The following PCDHGA8 variants were observed in gnomAD, a reference collection of about 807,000 sequenced individuals.
PCDHGA8 encodes protocadherin gamma subfamily A, 8, also known as protocadherin gamma-A8.
Under a neutral mutation model 59.2 loss-of-function variants are expected in PCDHGA8, and 45 were observed. That is an observed-to-expected ratio of 0.76 (90% CI 0.60 to 0.98). The LOEUF is 0.98. PCDHGA8 is among the 50% of genes least tolerant of loss of function. PCDHGA8 has a pLI of 0.00. For synonymous variants in PCDHGA8, 531 were observed against 519.0 expected (o/e 1.02, Z -0.32); for missense variants, 1,257 against 1,196.2 (o/e 1.05, Z -0.75).
chr5:141,393,176 A>G lies in PCDHGA8; in HGVS notation c.363A>G (p.Ile121Met). ...AAGGAAAACTCTTTGGGGTAGAAAT[A>G]GAAATAATTGATATTAACGATAATA... ...EDKGKLFGVE[I>M]EIIDINDNNP... is the part of the protein sequence containing the mutation. Residue 121 changes from isoleucine (I) to methionine (M), a missense_variant, in exon 1 of 4, where the codon ATA becomes ATG. Coordinates refer to ENST00000398604, the MANE Select transcript of PCDHGA8 (RefSeq NM_032088.2). 1.9e-6 allele frequency: 3 copies of G among 1,613,294 alleles called. No homozygotes were observed. Among genetic ancestry groups the G allele is most frequent in the East Asian group, 2.2e-5 (1 of 44,884 alleles).
chr5:141,433,017 A>G, intron 1 of PCDHGA8: 2 of 1,614,124 alleles, frequency 1.2e-6, no homozygotes, highest in Non-Finnish European at 8.5e-7. Context: ...CTGCAGACCT[A>G]TTCCCACGAG....
At position 141,486,426 on chromosome 5, in the gene PCDHGA8, A is replaced by T; in HGVS notation, c.2425-8381A>T. 6.2e-7 allele frequency: 1 copy of T among 1,614,190 alleles called. No homozygotes were observed. The highest frequency in any genetic ancestry group is 8.5e-7 in the Non-Finnish European group (1 of 1,180,026). ...GCTGGACCCTTGGATCGAGAGGCCA[A>T]ATCTAGCTATGACATCATGGTCACT... On this transcript the variant is annotated intron_variant, in intron 1 of 3. Coordinates refer to ENST00000398604, the MANE Select transcript of PCDHGA8 (RefSeq NM_032088.2). This position sits in a 1 kb window ranked among gnomAD's most constrained non-coding sequence, Gnocchi z 5.0.
At chr5:141,460,335 T>C (rs1201595717) in intron 1 of PCDHGA8, among the ~76,000 whole-genome samples, 3 of 152,194 alleles carry the variant, frequency 2.0e-5, no homozygotes, top group Non-Finnish European at 4.4e-5. Flanking sequence ...CTTATGATGA[T>C]TTTCTCCTAT....
Position 141,405,325 on chromosome 5 carries a change from G to C in PCDHGA8, c.2424+10088G>C, listed in dbSNP as rs17097274. ...AGAGCTGTGAGAAAAATGAGCCTTT[G>C]TGCGTCTCTGTTGATTCCAAGTTTC... On this transcript the variant is annotated intron_variant, in intron 1 of 3. Transcript: ENST00000398604. The C allele has an allele frequency of 9.4e-4, 1,513 of 1,614,170 alleles. 9 individuals are homozygous for C. The African/African-American group carries it at 0.016, about 17-fold the overall frequency.
rs1009141449 is a variant in PCDHGA8, at chr5:141,491,922, G to A, written c.2425-2885G>A. 2 of 1,349,026 alleles carry A rather than the reference G, an allele frequency of 1.5e-6. No individual in the cohort carries two copies. Among genetic ancestry groups the A allele is most frequent in the African/African-American group, 1.5e-5 (1 of 67,598 alleles). The allele number at this position is 1,349,026 out of a possible 1,614,324, so 83.6% of individuals were successfully genotyped here. On this transcript the variant is annotated intron_variant, in intron 1 of 3. Coordinates refer to ENST00000398604, the MANE Select transcript of PCDHGA8 (RefSeq NM_032088.2). The surrounding 1 kb of genome is among the most constrained non-coding windows in gnomAD (Gnocchi z 6.9). ...CGGGGGTGGTGGCGACTGTGGGCGAGGGGAGGTGGGACCGACCCCCACCCC... is the reference window on the plus strand; with the variant it reads ...CGGGGGTGGTGGCGACTGTGGGCGAAGGGAGGTGGGACCGACCCCCACCCC...
rs1594492695 is a variant in PCDHGA8 at position 141,485,536 on chromosome 5, A to G, written c.2425-9271A>G. On this transcript the variant is annotated intron_variant, in intron 1 of 3. Transcript: ENST00000398604. The surrounding 1 kb of genome is among the most constrained non-coding windows in gnomAD (Gnocchi z 5.7). ...CTTTGGAAATGTACCGAGCAGAGGTAGAGATCGTAGATGTGAATGATCACG... is the reference window on the plus strand; with the variant it reads ...CTTTGGAAATGTACCGAGCAGAGGTGGAGATCGTAGATGTGAATGATCACG... 3 of 1,613,976 alleles carry G rather than the reference A, an allele frequency of 1.9e-6. No homozygotes were observed. The highest frequency in any genetic ancestry group is 2.5e-6 in the Non-Finnish European group (3 of 1,179,946).
intron 1 of PCDHGA8, chr5:141,418,306 GA>G: frequency 6.2e-7 from 1 of 1,614,032 alleles, no homozygotes; most frequent in East Asian, 2.2e-5. Flanking sequence ...TCAGCCTGGG[GA>G]TGGGAACAAT....
At position 141,487,144 on chromosome 5, in the gene PCDHGA8, C is replaced by T. The variant is rs2099640304; in HGVS notation, c.2425-7663C>T. The T allele has an allele frequency of 6.2e-7, 1 of 1,614,032 alleles. No homozygotes were observed. Among genetic ancestry groups the T allele is most frequent in the African/African-American group, 1.3e-5 (1 of 75,056 alleles). On this transcript the variant is annotated intron_variant, in intron 1 of 3. Coordinates refer to ENST00000398604, the MANE Select transcript of PCDHGA8 (RefSeq NM_032088.2). This position sits in a 1 kb window ranked among gnomAD's most constrained non-coding sequence, Gnocchi z 5.0. ...ATAGTGGTAGTCCACCACTCTCTAC[C>T]TCTGTTACTCTCTTAGTGTCCTTAG...
chr5:141,419,505 G>A lies in PCDHGA8; in HGVS notation c.2424+24268G>A, dbSNP rs115850576. The A allele has an allele frequency of 8.4e-4, 1,351 of 1,612,324 alleles. 13 individuals are homozygous for A. In the African/African-American group the frequency reaches 0.015, roughly 18 times the overall value. The stretch of plus-strand genomic sequence containing the variant: ...GCGCTCAGCGCCAATGTGAGCCTGC[G>A]CGTGTTGGTGGGCGACCGTAACGAC... On this transcript the variant is annotated intron_variant, in intron 1 of 3. Transcript: ENST00000398604.
Position 141,431,706 on chromosome 5 carries a change from AG to A in PCDHGA8, c.2424+36470del. The A allele has an allele frequency of 6.2e-7, 1 of 1,614,248 alleles. No homozygotes were observed. The highest frequency in any genetic ancestry group is 8.5e-7 in the Non-Finnish European group (1 of 1,180,048). ...GACCACGAGGAGTCAGGATTCTACC[AG>A]ATGGAAGTGCAAGCAATGGATAATG... On this transcript the variant is annotated intron_variant, in intron 1 of 3. Coordinates refer to ENST00000398604, the MANE Select transcript of PCDHGA8 (RefSeq NM_032088.2). This position sits in a 1 kb window ranked among gnomAD's most constrained non-coding sequence, Gnocchi z 4.8.
At chr5:141,409,752 A>T in intron 1 of PCDHGA8, 3 of 1,613,020 alleles carry the variant, frequency 1.9e-6, no homozygotes, top group Non-Finnish European at 2.5e-6. Context: ...GTGTTCGCGC[A>T]GCGCGCCTTT....
chr5:141,433,204 C>T, intron 1 of PCDHGA8: 6 of 1,566,938 alleles, frequency 3.8e-6, no homozygotes, highest in Admixed American at 2.0e-5. Flanking sequence ...ATCAAATCTT[C>T]TTTCTTTTTT....
At chr5:141,429,924 A>T (rs2097252885) in intron 1 of PCDHGA8, among the ~76,000 whole-genome samples, 1 of 152,210 alleles carries the variant, frequency 6.6e-6, no homozygotes, top group Admixed American at 6.5e-5. Context: ...GTATTAATAG[A>T]ATTCTGGAGT....
chr5:141,460,983 G>GTGTATA (rs1554142949), intron 1 of PCDHGA8, among the ~76,000 whole-genome samples: 24 of 137,844 alleles, frequency 1.7e-4, no homozygotes, highest in African/African-American at 5.4e-4. Context: ...GTGTGTGTGT[G>GTGTATA]TATATATATA....
chr5:141,450,893 C>T (rs1306212499), intron 1 of PCDHGA8, among the ~76,000 whole-genome samples: 3 of 149,144 alleles, frequency 2.0e-5, no homozygotes, highest in East Asian at 2.0e-4. Flanking sequence ...GGTGCGATAT[C>T]GGCTCACTGC....
intron 1 of PCDHGA8, among the ~76,000 whole-genome samples, chr5:141,450,082 C>T (rs2098668421): frequency 6.8e-6 from 1 of 147,384 alleles, no homozygotes. Context: ...TCTTGGCTCA[C>T]TGCAACCTCC....
At chr5:141,413,748 T>G (rs1264580781) in intron 1 of PCDHGA8, 1 of 1,613,288 alleles carries the variant, frequency 6.2e-7, no homozygotes, top group Admixed American at 1.7e-5. Flanking sequence ...GCCGTGCCAA[T>G]GGCGTCAAGT....
intron 1 of PCDHGA8, among the ~76,000 whole-genome samples, chr5:141,397,686 T>C (rs963267542): frequency 7.2e-5 from 11 of 152,372 alleles, no homozygotes; most frequent in Middle Eastern, 3.4e-3. Flanking sequence ...TGCAGGTTTG[T>C]ATAAAAACCC....
chr5:141,508,904 T>C (rs1421450229), intron 3 of PCDHGA8, among the ~76,000 whole-genome samples: 2 of 151,336 alleles, frequency 1.3e-5, no homozygotes, highest in African/African-American at 4.9e-5. Context: ...GGCGGGGCGG[T>C]GGCGGATCTG....
Sources: gnomAD v4.1 joint callset for allele counts (sites outside exome capture counted in the v4.1 genomes callset) on GRCh38, gnomAD v4.1.1 for gene constraint, Gnocchi (gnomAD v3.1) non-coding constraint, MANE v1.5 for transcripts, NCBI Gene and HGNC (gene_info 2026-07-23, HGNC 2026-07-21) for gene names.